Variants in CERT1 observed in about 807,000 individuals in gnomAD.
The protein encoded by CERT1 is ceramide transfer protein.
Under a neutral mutation model 87.9 loss-of-function variants are expected in CERT1, and 31 were observed. The ratio of observed to expected loss-of-function variants is 0.35; its 90% CI spans 0.27 to 0.48. The LOEUF (loss-of-function observed/expected upper bound fraction) is 0.48. Among genes scored for constraint, CERT1 ranks in the 20% least tolerant of loss-of-function variants. CERT1 has a pLI of 0.99. For missense variants in CERT1, 487 were observed against 758.0 expected, an observed-to-expected ratio of 0.64 and a Z score of 4.20; for synonymous variants, 289 against 250.9, an observed-to-expected ratio of 1.15 and a Z score of -1.44.
chr5:75,397,222 G>A (rs1296304310), intron 11 of CERT1, among the ~76,000 whole-genome samples: 1 of 152,106 alleles, frequency 6.6e-6, no homozygotes, highest in African/African-American at 2.4e-5. Flanking sequence ...AGACCTTAAT[G>A]TTATTTTCTT....
At position 75,496,114 on chromosome 5, in the gene CERT1, A is replaced by ATG. The variant is rs1238757956; in HGVS notation, c.231+9867_231+9868insCA. Among the ~76,000 whole-genome samples, 4 of 152,188 alleles carry ATG rather than the reference A, an allele frequency of 2.6e-5. No individual in the cohort carries two copies. The East Asian group carries it at 7.7e-4, about 29-fold the overall frequency. On this transcript the variant is annotated intron_variant, in intron 2 of 16. Transcript: ENST00000643780. ...ACGTTACGGTATCCAGAATATATATAAAGAATTCTCATAACTCAACATTAA... is the reference window on the plus strand; with the variant it reads ...ACGTTACGGTATCCAGAATATATATATGAAGAATTCTCATAACTCAACATTAA...
intron 9 of CERT1, chr5:75,400,846 T>C (rs1762442480): frequency 6.6e-6 from 1 of 151,862 alleles, no homozygotes; most frequent in Non-Finnish European, 1.5e-5. Context: ...CTTCTTCCTC[T>C]TTAGTTTGCC....
chr5:75,412,243 T>C (rs1762960733), intron 7 of CERT1, among the ~76,000 whole-genome samples: 1 of 152,192 alleles, frequency 6.6e-6, no homozygotes, highest in African/African-American at 2.4e-5. Context: ...GGTCCCCCTA[T>C]TGGGTAATGT....
chr5:75,466,611 G>A (rs1274795796), intron 2 of CERT1, among the ~76,000 whole-genome samples: 3 of 152,238 alleles, frequency 2.0e-5, no homozygotes, highest in South Asian at 2.1e-4. Flanking sequence ...TCTGAGTTCC[G>A]GAAGTACTCA....
At chr5:75,426,500 G>A (rs755348598) in intron 3 of CERT1, 22 bp from the exon 4 acceptor site, 9 of 1,508,618 alleles carry the variant, frequency 6.0e-6, no homozygotes, top group African/African-American at 1.4e-5. Context: ...AGTAAACTAT[G>A]TGAAAAGAAT....
At chr5:75,436,096 G>A (rs1401497336) in intron 3 of CERT1, among the ~76,000 whole-genome samples, 2 of 152,114 alleles carry the variant, frequency 1.3e-5, no homozygotes, top group Non-Finnish European at 2.9e-5. Flanking sequence ...GCAGCGGTGC[G>A]ATCTTGGCGC....
chr5:75,388,338 C>A (rs1316769242), intron 12 of CERT1, among the ~76,000 whole-genome samples: 1 of 152,044 alleles, frequency 6.6e-6, no homozygotes, highest in East Asian at 1.9e-4. Flanking sequence ...TTCTGGTCAA[C>A]ATAGATTATG....
At chr5:75,489,343 G>A (rs1256132018) in intron 2 of CERT1, among the ~76,000 whole-genome samples, 2 of 152,054 alleles carry the variant, frequency 1.3e-5, no homozygotes, top group Non-Finnish European at 2.9e-5. Context: ...ATTGGCAAAG[G>A]CTTCATGACT....
intron 2 of CERT1, among the ~76,000 whole-genome samples, chr5:75,459,431 C>G (rs964722677): frequency 3.9e-5 from 6 of 152,152 alleles, no homozygotes; most frequent in African/African-American, 1.4e-4. Context: ...TAAAACAGAG[C>G]TGATATTTTT....
intron 2 of CERT1, among the ~76,000 whole-genome samples, chr5:75,495,450 C>A (rs745843804): frequency 6.6e-6 from 1 of 151,832 alleles, no homozygotes; most frequent in East Asian, 1.9e-4. Context: ...CTCAGCTACT[C>A]GGGGGGCTGA....
intron 12 of CERT1, among the ~76,000 whole-genome samples, chr5:75,389,193 G>C (rs1422804282): frequency 6.6e-6 from 1 of 152,030 alleles, no homozygotes; most frequent in Admixed American, 6.6e-5. Flanking sequence ...AAAAGAAGGA[G>C]GGTATAGACC....
chr5:75,376,218 C>G (rs1033570735), downstream of CERT1: 1 of 152,192 alleles, frequency 6.6e-6, no homozygotes, highest in African/African-American at 2.4e-5. Context: ...AATTATTCTT[C>G]TCAAATATAA....
intron 2 of CERT1, among the ~76,000 whole-genome samples, chr5:75,475,598 T>C (rs1478544944): frequency 1.3e-5 from 2 of 152,166 alleles, no homozygotes; most frequent in African/African-American, 2.4e-5. Context: ...ACATATCCTT[T>C]GAAAATTACA....
chr5:75,399,494 C>T lies in CERT1; in HGVS notation c.1111-107G>A, dbSNP rs1432636853. On this transcript the variant is annotated intron_variant, in intron 10 of 16. Coordinates refer to ENST00000643780, the MANE Select transcript of CERT1 (RefSeq NM_001379029.1). ...GATAAAGGGAAGAGAAAACAAAGCACTATATGAAACAAGCACAGCAGCAAC... is the reference window on the plus strand; with the variant it reads ...GATAAAGGGAAGAGAAAACAAAGCATTATATGAAACAAGCACAGCAGCAAC... 5.1e-6 allele frequency: 4 copies of T among 784,440 alleles called. No individual in the cohort carries two copies. The African/African-American group carries it at 5.2e-5, about 10-fold the overall frequency. The allele number at this position is 784,440 out of a possible 1,614,324, so 48.6% of individuals were successfully genotyped here. A position where few individuals can be genotyped will look rare whatever the true frequency, so the allele number is the denominator to read the frequency against.
intron 7 of CERT1, 149 bp downstream of exon 7, chr5:75,416,727 G>A (rs754790944): frequency 7.3e-6 from 4 of 549,500 alleles, no homozygotes; most frequent in Non-Finnish European, 1.2e-5. Flanking sequence ...ATGAGTTTAG[G>A]ATGCCCATAA....
At chr5:75,479,423 T>C (rs1766124227) in intron 2 of CERT1, among the ~76,000 whole-genome samples, 2 of 152,216 alleles carry the variant, frequency 1.3e-5, no homozygotes, top group East Asian at 1.9e-4. Context: ...CCAATAGTTA[T>C]CTATTCTGCT....
chr5:75,495,348 G>C (rs902971616), intron 2 of CERT1, among the ~76,000 whole-genome samples: 2 of 152,090 alleles, frequency 1.3e-5, no homozygotes, highest in African/African-American at 2.4e-5. Flanking sequence ...CTTGAGTCTA[G>C]AAGTTCAAGA....
At chr5:75,466,069 C>T (rs183584115) in intron 2 of CERT1, among the ~76,000 whole-genome samples, 4 of 152,286 alleles carry the variant, frequency 2.6e-5, no homozygotes, top group Non-Finnish European at 4.4e-5. Flanking sequence ...TGCCACTTAA[C>T]AACCTATTAT....
chr5:75,497,138 T>G (rs1054463549), intron 2 of CERT1, among the ~76,000 whole-genome samples: 2 of 152,206 alleles, frequency 1.3e-5, no homozygotes, highest in Non-Finnish European at 2.9e-5. Context: ...AGAAAATTTC[T>G]GAACAGAGTT....
Sources: gnomAD v4.1 joint callset for allele counts (sites outside exome capture counted in the v4.1 genomes callset) on GRCh38, gnomAD v4.1.1 for gene constraint, MANE v1.5 for transcripts, NCBI Gene and HGNC (gene_info 2026-07-23, HGNC 2026-07-21) for gene names.